LRP1B: variants seen among roughly 807,000 people sequenced by gnomAD.
LRP1B encodes the protein LDL receptor related protein 1B, also known as low-density lipoprotein receptor-related protein 1B.
LRP1B carries 217 observed loss-of-function variants against 556.6 expected under a neutral mutation model. The observed-to-expected ratio is 0.39, with a 90% confidence interval of 0.35 to 0.44. LRP1B has a LOEUF of 0.44. Among genes scored for constraint, LRP1B ranks in the 20% least tolerant of loss-of-function variants. The probability of loss-of-function intolerance (pLI) is 1.00; values close to 1 mark genes in which losing one functional copy is unlikely to be tolerated. For missense variants in LRP1B, 5,053 were observed against 5,620.8 expected, an observed-to-expected ratio of 0.90 and a Z score of 3.23; for synonymous variants, 2,047 against 1,865.8, an observed-to-expected ratio of 1.10 and a Z score of -2.50.
Position 140,511,873 on chromosome 2 carries a change from C to G in LRP1B, c.8270-1817G>C, listed in dbSNP as rs183373550. On this transcript the variant is annotated intron_variant, in intron 51 of 90. Transcript: ENST00000389484. Reference sequence around the variant, plus strand: ...TACTTTCTATAATAAAATTATCTTTCCACAGAAAATATTTTTATATTATTC... The same window carrying G: ...TACTTTCTATAATAAAATTATCTTTGCACAGAAAATATTTTTATATTATTC... Among the ~76,000 whole-genome samples the G allele has an allele frequency of 3.4e-3, 516 of 152,190 alleles. 3 individuals are homozygous for G. Among genetic ancestry groups the G allele is most frequent in the Admixed American group, 6.5e-3 (99 of 15,292 alleles).
chr2:141,502,171 C>T (rs1293238702), intron 2 of LRP1B, among the ~76,000 whole-genome samples: 2 of 152,120 alleles, frequency 1.3e-5, no homozygotes, highest in African/African-American at 4.8e-5. Context: ...TGAAATGAAA[C>T]AACAGTTTCA....
chr2:140,369,449 A>G lies in LRP1B; in HGVS notation c.11008+1261T>C, dbSNP rs886883543. On this transcript the variant is annotated intron_variant, in intron 71 of 90. Coordinates refer to ENST00000389484, the MANE Select transcript of LRP1B (RefSeq NM_018557.3). Reference sequence around the variant, plus strand: ...CCAAACCTTTGAACGCAAAAGTCGCATGAGTTATTGCTGCCAGACTTTCCA... The same window carrying G: ...CCAAACCTTTGAACGCAAAAGTCGCGTGAGTTATTGCTGCCAGACTTTCCA... Among the ~76,000 whole-genome samples the G allele has an allele frequency of 3.3e-5, 5 of 151,962 alleles. No individual in the cohort carries two copies. The East Asian group carries it at 7.8e-4, about 24-fold the overall frequency.
In LRP1B at chr2:141,753,915, T is replaced by C. The variant is rs541377600; in HGVS notation, c.205+56364A>G. Among the ~76,000 whole-genome samples, 5 of 152,274 alleles carry C rather than the reference T, an allele frequency of 3.3e-5. No individual in the cohort carries two copies. In the East Asian group the frequency reaches 7.7e-4, roughly 24 times the overall value. On this transcript the variant is annotated intron_variant, in intron 2 of 90. Coordinates refer to ENST00000389484, the MANE Select transcript of LRP1B (RefSeq NM_018557.3). The stretch of plus-strand genomic sequence containing the variant: ...GTCCAGCTCATTTATCTTGTAACCC[T>C]AATACCCAGGAGTGTACATGCACAC...
rs943736734 is a variant in LRP1B, at chr2:141,927,842, T to C, written c.83-117441A>G. ...CCCATCTTCCCCCCAAGCTACAGCA[T>C]CAATAATAGTCATCCTGTCCTTAGC... is the stretch of plus-strand genomic sequence containing the variant. On this transcript the variant is annotated intron_variant, in intron 1 of 90. Coordinates refer to ENST00000389484, the MANE Select transcript of LRP1B (RefSeq NM_018557.3). 3.8e-4 allele frequency among the ~76,000 whole-genome samples: 47 copies of C among 125,184 alleles called. 1 individual carries two copies. The highest frequency in any genetic ancestry group is 9.8e-4 in the Admixed American group (9 of 9,202). The allele number at this position is 125,184 out of a possible 152,430, so 82.1% of individuals were successfully genotyped here. A position where few individuals can be genotyped will look rare whatever the true frequency, so the allele number is the denominator to read the frequency against.
At chr2:140,991,343 G>C (rs1697087443) in intron 16 of LRP1B, among the ~76,000 whole-genome samples, 1 of 152,212 alleles carries the variant, frequency 6.6e-6, no homozygotes, top group East Asian at 1.9e-4. Flanking sequence ...AAAATTCAAG[G>C]TTGCAGATTA....
Position 140,883,953 on chromosome 2 carries a change from T to C in LRP1B, c.4033A>G (p.Ile1345Val). 6.2e-7 allele frequency: 1 copy of C among 1,613,588 alleles called. No homozygotes were observed. The highest frequency in any genetic ancestry group is 8.5e-7 in the Non-Finnish European group (1 of 1,179,930). The change falls in exon 25 of 91, where the codon ATA becomes GTA. Residue 1345 changes from isoleucine to valine, a missense_variant. Transcript: ENST00000389484. ...ATPEGLTVDW[I>V]AGNIYWIDSN... The stretch of plus-strand genomic sequence containing the variant: ...TCTATCCAGTATATGTTTCCTGCTA[T>C]CCAGTCGACTGTCAGGCCTTCTGGA...
At chr2:141,145,264 T>C (rs1049090330) in intron 7 of LRP1B, among the ~76,000 whole-genome samples, 3 of 152,150 alleles carry the variant, frequency 2.0e-5, no homozygotes, top group African/African-American at 7.2e-5. Flanking sequence ...TGAAAATATA[T>C]CGCTTTTAAA....
At chr2:141,392,443 T>A (rs1310420927) in intron 3 of LRP1B, among the ~76,000 whole-genome samples, 6 of 119,054 alleles carry the variant, frequency 5.0e-5, no homozygotes, top group South Asian at 3.0e-4. Context: ...GTTTCCATCA[T>A]CAGCATTGTC....
At chr2:140,667,134 T>C (rs1475891592) in intron 41 of LRP1B, among the ~76,000 whole-genome samples, 1 of 152,156 alleles carries the variant, frequency 6.6e-6, no homozygotes, top group Non-Finnish European at 1.5e-5. Flanking sequence ...TGCTTGCTGC[T>C]TGATGAGAGA....
At chr2:140,657,552 C>CAT (rs199992635) in intron 41 of LRP1B, among the ~76,000 whole-genome samples, 1,853 of 146,600 alleles carry the variant, frequency 0.013, 32 homozygotes, top group African/African-American at 0.039. Flanking sequence ...ATAGATATTT[C>CAT]ATATATATAT....
In LRP1B at chr2:140,427,806, G is replaced by A. The variant is rs529804611; in HGVS notation, c.10414+14698C>T. 1.7e-3 allele frequency among the ~76,000 whole-genome samples: 250 copies of A among 149,784 alleles called. 1 individual carries two copies. The highest frequency in any genetic ancestry group is 5.4e-3 in the African/African-American group (218 of 40,648). On this transcript the variant is annotated intron_variant, in intron 66 of 90. Transcript: ENST00000389484. ...GACCCATCTGTCCTCTCCCCTCCTCGCCAGGCCGAGCTAGGTCCCAGTTCT... is the reference window on the plus strand; with the variant it reads ...GACCCATCTGTCCTCTCCCCTCCTCACCAGGCCGAGCTAGGTCCCAGTTCT...
intron 1 of LRP1B, among the ~76,000 whole-genome samples, chr2:142,034,139 T>C (rs1703796924): frequency 6.6e-6 from 1 of 151,756 alleles, no homozygotes; most frequent in Non-Finnish European, 1.5e-5. Flanking sequence ...CTACCTGTAA[T>C]ATTTTTGTTC....
chr2:140,743,133 C>T (rs1688195038), intron 35 of LRP1B, among the ~76,000 whole-genome samples: 2 of 151,960 alleles, frequency 1.3e-5, no homozygotes, highest in African/African-American at 4.8e-5. Context: ...TACTTTTAAA[C>T]TAATGAACAA....
intron 66 of LRP1B, among the ~76,000 whole-genome samples, chr2:140,440,791 C>T (rs1181089405): frequency 2.2e-5 from 3 of 139,390 alleles, no homozygotes; most frequent in Non-Finnish European, 4.7e-5. Context: ...TACAGCAATA[C>T]TAGTGGCTGG....
chr2:141,247,498 A>G (rs1339872239), intron 4 of LRP1B, 144 bp from the exon 5 acceptor site: 2 of 807,770 alleles, frequency 2.5e-6, no homozygotes, highest in Non-Finnish European at 3.9e-6. Flanking sequence ...AACCACACTA[A>G]CTAAAAATTA....
intron 60 of LRP1B, among the ~76,000 whole-genome samples, chr2:140,461,683 A>G (rs1687325008): frequency 1.3e-5 from 2 of 151,910 alleles, no homozygotes; most frequent in African/African-American, 4.8e-5. Flanking sequence ...AAAAATACCA[A>G]AATAGCTGGG....
intron 13 of LRP1B, among the ~76,000 whole-genome samples, chr2:141,014,390 TG>T (rs1468474457): frequency 2.6e-5 from 4 of 152,102 alleles, no homozygotes; most frequent in Non-Finnish European, 4.4e-5. Context: ...TATATTGTTT[TG>T]TTGTTCCTTA....
chr2:140,376,115 A>T (rs958175568), intron 68 of LRP1B, among the ~76,000 whole-genome samples: 1 of 152,144 alleles, frequency 6.6e-6, no homozygotes, highest in Non-Finnish European at 1.5e-5. Flanking sequence ...ATAAATGTAG[A>T]GAAAAATGAC....
intron 86 of LRP1B, among the ~76,000 whole-genome samples, chr2:140,267,738 G>A (rs1682275055): frequency 6.6e-6 from 1 of 151,866 alleles, no homozygotes; most frequent in Non-Finnish European, 1.5e-5. Context: ...TATCAAAATA[G>A]ATTTTAAGGC....
Sources: allele counts gnomAD v4.1 joint callset (sites outside exome capture counted in the v4.1 genomes callset), GRCh38; gene constraint gnomAD v4.1.1; transcripts MANE v1.5; gene names NCBI Gene and HGNC (gene_info 2026-07-23, HGNC 2026-07-21).